COP1: variants seen among roughly 807,000 people sequenced by gnomAD.
COP1 encodes the protein COP1 E3 ubiquitin ligase.
Under a neutral mutation model 101.3 loss-of-function variants are expected in COP1, and 24 were observed. The observed-to-expected ratio is 0.24, with a 90% CI of 0.17 to 0.33. The LOEUF (loss-of-function observed/expected upper bound fraction) is 0.33. Among genes scored for constraint, COP1 ranks in the 10% least tolerant of loss-of-function variants. The pLI is 1.00. For synonymous variants in COP1, 347 were observed against 341.9 expected, an observed-to-expected ratio of 1.01 and a Z score of -0.17; for missense variants, 663 against 906.2, an observed-to-expected ratio of 0.73 and a Z score of 3.45.
chr1:176,043,400 A>G, intron 13 of COP1, 133 bp from the exon 14 acceptor site: 3 of 592,608 alleles, frequency 5.1e-6, no homozygotes, highest in Non-Finnish European at 8.8e-6. Context: ...AAAACAAATG[A>G]AAAGCAAATA....
chr1:176,049,570 G>A (rs1672178315), intron 11 of COP1, among the ~76,000 whole-genome samples: 1 of 151,808 alleles, frequency 6.6e-6, no homozygotes, highest in South Asian at 2.1e-4. Context: ...AAGACAAACA[G>A]GTCCCCCCCC....
Position 175,974,715 on chromosome 1 carries a change from T to TC in COP1, c.2133+12227dup, listed in dbSNP as rs959584837. ...ATAAAAAACGCTTTTGATGCTATGA[T>TC]CAGCAGTCTTCAAACAGTTAAGGAA... is the stretch of plus-strand genomic sequence containing the variant. On this transcript the variant is annotated intron_variant, in intron 18 of 19. Coordinates refer to ENST00000367669, the MANE Select transcript of COP1 (RefSeq NM_022457.7). Among the ~76,000 whole-genome samples the TC allele has an allele frequency of 5.9e-5, 9 of 152,086 alleles. No individual in the cohort carries two copies. In the South Asian group the frequency reaches 1.5e-3, roughly 25 times the overall value.
intron 3 of COP1, 98 bp from the exon 4 acceptor site, chr1:176,163,989 C>T (rs1432333109): frequency 1.6e-6 from 1 of 638,510 alleles, no homozygotes; most frequent in South Asian, 2.4e-5. Flanking sequence ...TTTACCTATA[C>T]ATAGCCTCCA....
At chr1:176,129,092 T>TAC (rs985783745) in intron 8 of COP1, among the ~76,000 whole-genome samples, 3 of 151,962 alleles carry the variant, frequency 2.0e-5, no homozygotes, top group Admixed American at 6.6e-5. Flanking sequence ...TATTATGCAG[T>TAC]ATTGTTTCTT....
chr1:176,003,851 T>A (rs1367933693), intron 15 of COP1, among the ~76,000 whole-genome samples: 2 of 152,090 alleles, frequency 1.3e-5, no homozygotes, highest in African/African-American at 2.4e-5. Context: ...TTTGGTTCCA[T>A]ATGAACTTGA....
Position 176,040,574 on chromosome 1 carries a change from T to C in COP1, c.1612+2612A>G, listed in dbSNP as rs1670354685. 1.3e-5 allele frequency among the ~76,000 whole-genome samples: 2 copies of C among 152,138 alleles called. 1 individual carries two copies. The highest frequency in any genetic ancestry group is 2.9e-5 in the Non-Finnish European group (2 of 68,024). Reference sequence around the variant, plus strand: ...ATCCTCCTGCCTCAGCCTCCAAAATTGCTGGGATTACAGGTGTGAGTCACC... The same window carrying C: ...ATCCTCCTGCCTCAGCCTCCAAAATCGCTGGGATTACAGGTGTGAGTCACC... On this transcript the variant is annotated intron_variant, in intron 14 of 19. Coordinates refer to ENST00000367669, the MANE Select transcript of COP1 (RefSeq NM_022457.7).
At chr1:175,968,705 C>G (rs760344865) in intron 18 of COP1, among the ~76,000 whole-genome samples, 13 of 152,188 alleles carry the variant, frequency 8.5e-5, no homozygotes, top group Non-Finnish European at 1.8e-4. Flanking sequence ...GATCCTTATT[C>G]AGGGAGAAAA....
chr1:176,130,345 C>T (rs1392776122), intron 8 of COP1, among the ~76,000 whole-genome samples: 1 of 151,752 alleles, frequency 6.6e-6, no homozygotes, highest in East Asian at 1.9e-4. Context: ...AGAGACTATG[C>T]TTGCCTACCA....
intron 15 of COP1, among the ~76,000 whole-genome samples, chr1:176,008,381 T>C (rs1453211030): frequency 1.3e-5 from 2 of 152,214 alleles, no homozygotes; most frequent in Non-Finnish European, 2.9e-5. Flanking sequence ...TTCTTTCTTT[T>C]GACAGGTCAA....
chr1:176,046,559 T>C (rs1671553126), intron 11 of COP1, among the ~76,000 whole-genome samples: 1 of 152,080 alleles, frequency 6.6e-6, no homozygotes, highest in South Asian at 2.1e-4. Context: ...AGGTGTACTT[T>C]TGTTCCAAGA....
intron 10 of COP1, among the ~76,000 whole-genome samples, chr1:176,081,748 T>C (rs1356768273): frequency 6.6e-6 from 1 of 152,040 alleles, no homozygotes; most frequent in Non-Finnish European, 1.5e-5. Context: ...AGTTTATAAA[T>C]AAGAAGAAAT....
rs554151894 is a variant in COP1, at chr1:176,020,939, A to T, written c.1729+6633T>A. 3.9e-5 allele frequency among the ~76,000 whole-genome samples: 6 copies of T among 152,310 alleles called. No homozygotes were observed. In the South Asian group the frequency reaches 1.2e-3, roughly 32 times the overall value. On this transcript the variant is annotated intron_variant, in intron 15 of 19. Transcript: ENST00000367669. ...CACAAGCTGTGGGCAAAAATTACTG[A>T]TATTACATTTTGCCTGCTTAGAAAT...
intron 1 of COP1, among the ~76,000 whole-genome samples, chr1:176,204,083 T>C (rs927028643): frequency 2.6e-5 from 4 of 152,208 alleles, no homozygotes; most frequent in South Asian, 2.1e-4. Context: ...GCTAAATACA[T>C]GTACTCGAAC....
intron 11 of COP1, among the ~76,000 whole-genome samples, chr1:176,071,140 GAATCC>G (rs1676930413): frequency 6.6e-6 from 1 of 152,182 alleles, no homozygotes; most frequent in Admixed American, 6.5e-5. Flanking sequence ...TCATGGAGAT[GAATCC>G]CTCATGGCTT....
chr1:175,995,581 C>A (rs914551283), intron 15 of COP1, among the ~76,000 whole-genome samples: 8 of 152,294 alleles, frequency 5.3e-5, no homozygotes, highest in Non-Finnish European at 1.2e-4. Flanking sequence ...ACCGATCCCA[C>A]AGAAATACAA....
In COP1 at chr1:176,049,125, T is replaced by C. The variant is rs369300606; in HGVS notation, c.1278-2801A>G. On this transcript the variant is annotated intron_variant, in intron 11 of 19. Coordinates refer to ENST00000367669, the MANE Select transcript of COP1 (RefSeq NM_022457.7). Reference sequence around the variant, plus strand: ...AAGCGGAGCTTGCAGTGAGCCGAGATTGCGCCATTGCAGTCCGCAGTCCGG... The same window carrying C: ...AAGCGGAGCTTGCAGTGAGCCGAGACTGCGCCATTGCAGTCCGCAGTCCGG... 2.2e-4 allele frequency among the ~76,000 whole-genome samples: 32 copies of C among 148,500 alleles called. No homozygotes were observed. The East Asian group carries it at 3.1e-3, about 14-fold the overall frequency.
chr1:176,161,188 T>A (rs1211140739), intron 5 of COP1, among the ~76,000 whole-genome samples: 1 of 152,216 alleles, frequency 6.6e-6, no homozygotes, highest in Non-Finnish European at 1.5e-5. Flanking sequence ...TGAAAATATA[T>A]CTTATCTCAT....
intron 15 of COP1, among the ~76,000 whole-genome samples, chr1:175,991,618 T>G (rs149019265): frequency 1.4e-3 from 219 of 152,346 alleles, no homozygotes; most frequent in African/African-American, 4.8e-3. Flanking sequence ...TTAAAGCTTT[T>G]TGACTCTTGT....
rs137971403 is a variant in COP1 at position 176,100,739 on chromosome 1, A to G, written c.1027-14849T>C. 3.9e-5 allele frequency among the ~76,000 whole-genome samples: 6 copies of G among 152,330 alleles called. 1 individual carries two copies. The East Asian group carries it at 9.7e-4, about 25-fold the overall frequency. On this transcript the variant is annotated intron_variant, in intron 9 of 19. Coordinates refer to ENST00000367669, the MANE Select transcript of COP1 (RefSeq NM_022457.7). Reference sequence around the variant, plus strand: ...ACTATGCACCCAAATCTTAGCAGGCATAACTATATCCACCAGTTATCTGGG... The same window carrying G: ...ACTATGCACCCAAATCTTAGCAGGCGTAACTATATCCACCAGTTATCTGGG...
Sources: gnomAD v4.1 joint callset for allele counts (sites outside exome capture counted in the v4.1 genomes callset) on GRCh38, gnomAD v4.1.1 for gene constraint, MANE v1.5 for transcripts, NCBI Gene and HGNC (gene_info 2026-07-23, HGNC 2026-07-21) for gene names.